The following CCDC81 variants were observed in gnomAD, a reference collection of about 807,000 sequenced individuals.
The protein encoded by CCDC81 is coiled-coil domain containing 81.
Under a neutral mutation model 83.7 loss-of-function variants are expected in CCDC81, and 79 were observed. That is an observed-to-expected ratio of 0.94 (90% CI 0.79 to 1.14). CCDC81 has a LOEUF of 1.14. Ranked by LOEUF, CCDC81 falls within the 50% of genes most tolerant of loss-of-function variation. CCDC81 has a pLI of 0.00. For synonymous variants in CCDC81, 252 were observed against 278.1 expected, an observed-to-expected ratio of 0.91 and a Z score of 0.93; for missense variants, 791 against 778.1, an observed-to-expected ratio of 1.02 and a Z score of -0.20.
chr11:86,406,821 T>C (rs7930223), intron 7 of CCDC81, among the ~76,000 whole-genome samples: 52,797 of 151,982 alleles, frequency 0.35, 9,599 homozygotes, highest in Admixed American at 0.41. Flanking sequence ...TAAAATAACA[T>C]AAATAAAATT....
intron 5 of CCDC81, among the ~76,000 whole-genome samples, chr11:86,396,924 G>A (rs11826496): frequency 2.6e-5 from 4 of 152,030 alleles, no homozygotes; most frequent in African/African-American, 9.7e-5. Context: ...AGATGGAGTC[G>A]CCATCAAGTC....
At chr11:86,419,881 C>A in intron 13 of CCDC81, 47 bp from the exon 14 acceptor site, 1 of 1,538,936 alleles carries the variant, frequency 6.5e-7, no homozygotes, top group Admixed American at 2.1e-5. Flanking sequence ...AAATTTGGTG[C>A]ATGCTCTTCC....
intron 4 of CCDC81, 125 bp downstream of exon 4, chr11:86,392,922 G>T: frequency 6.8e-6 from 7 of 1,035,766 alleles, no homozygotes; most frequent in Non-Finnish European, 9.6e-6. Flanking sequence ...TGAAGTACAT[G>T]GAAGTGCTTG....
At chr11:86,418,833 G>A (rs1948753521) in intron 13 of CCDC81, among the ~76,000 whole-genome samples, 1 of 151,980 alleles carries the variant, frequency 6.6e-6, no homozygotes, top group Non-Finnish European at 1.5e-5. Context: ...TGTACACTTG[G>A]AAATGGTTAA....
At chr11:86,405,631 C>T (rs1319213670) in intron 7 of CCDC81, among the ~76,000 whole-genome samples, 3 of 152,128 alleles carry the variant, frequency 2.0e-5, no homozygotes, top group African/African-American at 7.2e-5. Context: ...CAAACTGTAT[C>T]CCCTTCCAAA....
At chr11:86,402,386 A>G (rs1030426985) in intron 7 of CCDC81, among the ~76,000 whole-genome samples, 8 of 152,196 alleles carry the variant, frequency 5.3e-5, no homozygotes, top group African/African-American at 1.7e-4. Context: ...TTGAGATATT[A>G]TATGGATTTT....
chr11:86,419,936 C>T lies in CCDC81; in HGVS notation c.1700C>T (p.Ala567Val), dbSNP rs777698339. ...TGTTCTTTTCTCTCCAGGCACTTGG[C>T]AGACAGAACCGCTGAGCTGGAGCGA... ...MLQRTQREHL[A>V]DRTAELERVN... Residue 567 changes from alanine to valine, a missense_variant, in exon 14 of 15, where the codon GCA becomes GTA. Ala to Val is a moderately conservative substitution (Grantham distance 64). Transcript: ENST00000445632. 1 of 1,611,360 alleles carries T rather than the reference C, an allele frequency of 6.2e-7. No homozygotes were observed.
chr11:86,391,408 G>C (rs1037070856), intron 3 of CCDC81, among the ~76,000 whole-genome samples: 1 of 152,120 alleles, frequency 6.6e-6, no homozygotes, highest in South Asian at 2.1e-4. Flanking sequence ...CTTTATCAGT[G>C]GACCTTGTTG....
At chr11:86,416,282 A>G (rs1214599838) in intron 13 of CCDC81, among the ~76,000 whole-genome samples, 1 of 152,214 alleles carries the variant, frequency 6.6e-6, no homozygotes, top group African/African-American at 2.4e-5. Context: ...TTTTAAAAAA[A>G]TTTATTCCCT....
chr11:86,412,423 G>A lies in CCDC81; in HGVS notation c.1255G>A (p.Ala419Thr). ...FLFDKRPLSPALNALKQEEYS... is the reference protein window; with the variant it reads ...FLFDKRPLSPTLNALKQEEYS... ...ATTTGACAAACGGCCACTCAGTCCTGCGCTTAATGCTCTTAAGCAAGAGGA... is the reference window on the plus strand; with the variant it reads ...ATTTGACAAACGGCCACTCAGTCCTACGCTTAATGCTCTTAAGCAAGAGGA... Residue 419 changes from alanine to threonine, a missense_variant, in exon 11 of 15, where the codon GCG (alanine) becomes ACG (threonine). Ala to Thr is a moderately conservative substitution (Grantham distance 58, BLOSUM62 0). Coordinates refer to ENST00000445632, the MANE Select transcript of CCDC81 (RefSeq NM_001156474.2). The A allele has an allele frequency of 6.2e-7, 1 of 1,612,484 alleles. No homozygotes were observed. Among genetic ancestry groups the A allele is most frequent in the Non-Finnish European group, 8.5e-7 (1 of 1,179,366 alleles).
chr11:86,405,130 T>C (rs1040165411), intron 7 of CCDC81, among the ~76,000 whole-genome samples: 5 of 152,194 alleles, frequency 3.3e-5, no homozygotes, highest in Non-Finnish European at 4.4e-5. Context: ...ATATTAAAAA[T>C]CTTTCACCAT....
intron 7 of CCDC81, among the ~76,000 whole-genome samples, chr11:86,406,286 G>A (rs915398254): frequency 2.0e-5 from 3 of 152,066 alleles, no homozygotes; most frequent in African/African-American, 4.8e-5. Context: ...CTGATGCAAC[G>A]TCCGAATCAA....
chr11:86,398,635 C>T lies in CCDC81; in HGVS notation c.757+893C>T, dbSNP rs868707491. ...GCACAATCTGGGCTCACTGCAACCT[C>T]CGCCTCCTGGGTTCAGGTGATTCTC... On this transcript the variant is annotated intron_variant, in intron 6 of 14. Coordinates refer to ENST00000445632, the MANE Select transcript of CCDC81 (RefSeq NM_001156474.2). Among the ~76,000 whole-genome samples the T allele has an allele frequency of 2.1e-4, 32 of 152,212 alleles. No individual in the cohort carries two copies. The South Asian group carries it at 2.5e-3, about 12-fold the overall frequency.
intron 10 of CCDC81, among the ~76,000 whole-genome samples, chr11:86,410,964 A>G (rs771948727): frequency 2.6e-5 from 4 of 152,154 alleles, no homozygotes; most frequent in Non-Finnish European, 2.9e-5. Context: ...GTTATGCTCA[A>G]CTTCTCCAAT....
At chr11:86,408,972 T>A (rs1948600230) in intron 9 of CCDC81, among the ~76,000 whole-genome samples, 1 of 152,214 alleles carries the variant, frequency 6.6e-6, no homozygotes, top group Non-Finnish European at 1.5e-5. Context: ...TTATGTGGTG[T>A]CTAATAATTG....
intron 11 of CCDC81, among the ~76,000 whole-genome samples, chr11:86,412,991 G>T (rs1052094111): frequency 6.6e-6 from 1 of 152,094 alleles, no homozygotes; most frequent in African/African-American, 2.4e-5. Context: ...GTATCCGAGG[G>T]TTCTTGCCTT....
intron 1 of CCDC81, 131 bp from the exon 2 acceptor site, chr11:86,385,920 T>G (rs1948235638): frequency 7.9e-6 from 3 of 379,086 alleles, no homozygotes; most frequent in Admixed American, 7.8e-5. Context: ...TTTTGTTAAT[T>G]CTAAATTAAT....
intron 2 of CCDC81, among the ~76,000 whole-genome samples, chr11:86,387,276 G>T (rs1247634584): frequency 6.6e-6 from 1 of 152,144 alleles, no homozygotes; most frequent in Admixed American, 6.5e-5. Context: ...GCCTTTTGAT[G>T]ATACAGAGAT....
chr11:86,413,365 T>C (rs1948672484), intron 11 of CCDC81, among the ~76,000 whole-genome samples: 1 of 152,076 alleles, frequency 6.6e-6, no homozygotes, highest in African/African-American at 2.4e-5. Flanking sequence ...AAATGCAACA[T>C]TTAGGCAGGA....
Sources: gnomAD v4.1 joint callset for allele counts (sites outside exome capture counted in the v4.1 genomes callset) on GRCh38, gnomAD v4.1.1 for gene constraint, MANE v1.5 for transcripts, NCBI Gene and HGNC (gene_info 2026-07-23, HGNC 2026-07-21) for gene names.